Variants in MCC observed in about 807,000 individuals in gnomAD.
MCC encodes the protein colorectal mutant cancer protein.
A neutral mutation model predicts 116.2 loss-of-function variants in MCC; 90 were observed. The observed-to-expected ratio is 0.77, with a 90% confidence interval of 0.65 to 0.92. The LOEUF is 0.92. Among genes scored for constraint, MCC ranks in the 40% least tolerant of loss-of-function variants. The pLI is 0.00. For missense variants in MCC, 1,516 were observed against 1,312.2 expected, an observed-to-expected ratio of 1.16 and a Z score of -2.40; for synonymous variants, 578 against 510.5, an observed-to-expected ratio of 1.13 and a Z score of -1.78.
intron 16 of MCC, among the ~76,000 whole-genome samples, 187 bp from the exon 17 acceptor site, chr5:113,043,817 C>T (rs999299326): frequency 2.0e-5 from 3 of 152,242 alleles, no homozygotes; most frequent in Admixed American, 6.5e-5. Flanking sequence ...GCTCCCAGAC[C>T]GCTGGCTCCT....
intron 1 of MCC, among the ~76,000 whole-genome samples, chr5:113,455,968 A>T (rs1771531374): frequency 6.6e-6 from 1 of 152,252 alleles, no homozygotes; most frequent in Non-Finnish European, 1.5e-5. Flanking sequence ...CATACAGCTA[A>T]TAAACTAGAA....
chr5:113,109,045 A>G (rs1756924318), intron 6 of MCC, among the ~76,000 whole-genome samples: 1 of 152,192 alleles, frequency 6.6e-6, no homozygotes, highest in South Asian at 2.1e-4. Context: ...CCAAGCACTT[A>G]TCACCACTCA....
chr5:113,467,063 C>A (rs1169665775), intron 1 of MCC, among the ~76,000 whole-genome samples: 2 of 149,964 alleles, frequency 1.3e-5, no homozygotes, highest in Non-Finnish European at 1.5e-5. Flanking sequence ...TGTTTGAGTT[C>A]ATTGTAGATT....
intron 3 of MCC, among the ~76,000 whole-genome samples, chr5:113,236,697 T>C (rs1197741212): frequency 6.6e-6 from 1 of 152,190 alleles, no homozygotes; most frequent in Non-Finnish European, 1.5e-5. Context: ...GTACAATAAA[T>C]GATTAAGCTG....
intron 1 of MCC, among the ~76,000 whole-genome samples, chr5:113,457,188 G>A (rs1250220753): frequency 6.6e-6 from 1 of 152,232 alleles, no homozygotes; most frequent in Non-Finnish European, 1.5e-5. Flanking sequence ...AGCGCTTGCG[G>A]GCCAGCTGGA....
At chr5:113,467,160 T>C (rs1172231420) in intron 1 of MCC, among the ~76,000 whole-genome samples, 3 of 151,986 alleles carry the variant, frequency 2.0e-5, no homozygotes, top group Admixed American at 1.3e-4. Flanking sequence ...TGGTAGTTTC[T>C]TTTGCTGTGC....
intron 1 of MCC, among the ~76,000 whole-genome samples, chr5:113,404,470 A>G (rs1000892120): frequency 8.5e-5 from 13 of 152,208 alleles, no homozygotes; most frequent in African/African-American, 3.1e-4. Context: ...ACCAGTGACA[A>G]AGGCCAGATC....
At chr5:113,096,598 A>G (rs1405262330) in intron 8 of MCC, among the ~76,000 whole-genome samples, 1 of 152,214 alleles carries the variant, frequency 6.6e-6, no homozygotes, top group Non-Finnish European at 1.5e-5. Context: ...ATGGTTAGGT[A>G]AAGCCATCTG....
chr5:113,412,650 A>T (rs1364649578), intron 1 of MCC, among the ~76,000 whole-genome samples: 1 of 152,232 alleles, frequency 6.6e-6, no homozygotes, highest in Non-Finnish European at 1.5e-5. Context: ...GAAGTTGCTT[A>T]TCAGCTAAAG....
intron 8 of MCC, among the ~76,000 whole-genome samples, chr5:113,094,049 AGCT>A (rs1755840849): frequency 6.6e-6 from 1 of 152,144 alleles, no homozygotes; most frequent in Non-Finnish European, 1.5e-5. Flanking sequence ...GTTTTTGGAA[AGCT>A]GCTATCTCGA....
intron 3 of MCC, among the ~76,000 whole-genome samples, chr5:113,304,574 T>C (rs1273567736): frequency 6.6e-6 from 1 of 152,220 alleles, no homozygotes; most frequent in African/African-American, 2.4e-5. Flanking sequence ...ATGTGATGCA[T>C]CAAATACCCC....
chr5:113,210,679 A>G (rs1763101991), intron 3 of MCC, among the ~76,000 whole-genome samples: 1 of 152,260 alleles, frequency 6.6e-6, no homozygotes. Flanking sequence ...TCCAAGGTTC[A>G]TGATACCAGG....
chr5:113,453,333 C>A (rs1177420816), intron 1 of MCC, among the ~76,000 whole-genome samples: 6 of 152,096 alleles, frequency 3.9e-5, no homozygotes, highest in African/African-American at 1.4e-4. Context: ...GAGAGTCCTA[C>A]CACCAAGAAA....
At chr5:113,049,354 T>A in intron 15 of MCC, 55 bp from the exon 16 acceptor site, 5 of 1,425,464 alleles carry the variant, frequency 3.5e-6, no homozygotes, top group African/African-American at 1.4e-5. Context: ...AGAGCAGGCC[T>A]GGCTGCTGCC....
At chr5:113,095,865 A>G (rs1755974957) in intron 8 of MCC, among the ~76,000 whole-genome samples, 1 of 152,100 alleles carries the variant, frequency 6.6e-6, no homozygotes, top group African/African-American at 2.4e-5. Context: ...AATACTATCA[A>G]TATTATTAAC....
At chr5:113,364,712 C>G (rs1311650579) in intron 2 of MCC, among the ~76,000 whole-genome samples, 4 of 152,224 alleles carry the variant, frequency 2.6e-5, no homozygotes, top group Admixed American at 2.6e-4. Flanking sequence ...TTCCATACAT[C>G]CTTTGAAATC....
rs762024280 is a variant in MCC at position 113,053,911 on chromosome 5, T to C, written c.2262A>G (p.Glu754=). 2 of 1,613,966 alleles carry C rather than the reference T, an allele frequency of 1.2e-6. No individual in the cohort carries two copies. Among genetic ancestry groups the C allele is most frequent in the Non-Finnish European group, 1.7e-6 (2 of 1,179,850 alleles). The change falls in exon 15 of 19, where the codon GAA becomes GAG. Residue 754 remains glutamate, a synonymous_variant. Transcript: ENST00000408903. ...ASSCDTEFTK[E]DEQRLKDYIQ... is the part of the protein sequence containing the mutation. ...TATAATCCTTCAGCCTCTGCTCGTC[T>C]TCTTTAGTGAACTCGGTGTCGCAAC... is the stretch of plus-strand genomic sequence containing the variant.
At chr5:113,422,236 G>A (rs1465200430) in intron 1 of MCC, among the ~76,000 whole-genome samples, 2 of 151,774 alleles carry the variant, frequency 1.3e-5, no homozygotes, top group Non-Finnish European at 2.9e-5. Context: ...CTAGTGAGGA[G>A]ACTGATTAGA....
intron 13 of MCC, among the ~76,000 whole-genome samples, chr5:113,065,560 G>A (rs1753547200): frequency 6.6e-6 from 1 of 152,112 alleles, no homozygotes; most frequent in Non-Finnish European, 1.5e-5. Context: ...AGAAGTGGGA[G>A]ACACACTCAG....
Sources: gnomAD v4.1 joint callset for allele counts (sites outside exome capture counted in the v4.1 genomes callset) on GRCh38, gnomAD v4.1.1 for gene constraint, MANE v1.5 for transcripts, NCBI Gene and HGNC (gene_info 2026-07-23, HGNC 2026-07-21) for gene names.